LMAN1L: variants seen among roughly 807,000 people sequenced by gnomAD.
The protein encoded by LMAN1L is protein ERGIC-53-like.
A neutral mutation model predicts 58.3 loss-of-function variants in LMAN1L; 60 were observed. That is an observed-to-expected ratio of 1.03 (90% confidence interval 0.84 to 1.27). The LOEUF is 1.27. Ranked by LOEUF, LMAN1L falls within the 50% of genes most tolerant of loss-of-function variation. The probability of loss-of-function intolerance (pLI) is 0.00; values close to 1 mark genes in which losing one functional copy is unlikely to be tolerated. For synonymous variants in LMAN1L, 280 were observed against 271.6 expected (o/e 1.03, Z -0.31); for missense variants, 629 against 674.0 (o/e 0.93, Z 0.74).
chr15:74,814,039 T>C (rs553653297), intron 1 of LMAN1L, among the ~76,000 whole-genome samples: 5 of 150,734 alleles, frequency 3.3e-5, no homozygotes, highest in African/African-American at 9.7e-5. Flanking sequence ...GGCAGGAGAA[T>C]TGCTTGAACC....
chr15:74,814,198 C>CTT (rs567071080), intron 1 of LMAN1L, among the ~76,000 whole-genome samples: 1 of 146,070 alleles, frequency 6.8e-6, no homozygotes, highest in Non-Finnish European at 1.5e-5. Flanking sequence ...CAAAATATCC[C>CTT]TTTTTTTTTT....
Position 74,825,459 on chromosome 15 carries a change from C to G in LMAN1L, c.1452-17C>G. 1 of 1,605,712 alleles carries G rather than the reference C, an allele frequency of 6.2e-7. No individual in the cohort carries two copies. The highest frequency in any genetic ancestry group is 8.5e-7 in the Non-Finnish European group (1 of 1,173,872). On this transcript the variant is annotated splice_polypyrimidine_tract_variant and intron_variant, in intron 13 of 13. Transcript: ENST00000309664. ...AGGAGAGACGCAAGTAACCTGTAACCTTCTCTCTGGCAGCAGGCAGGAGCT... is the reference window on the plus strand; with the variant it reads ...AGGAGAGACGCAAGTAACCTGTAACGTTCTCTCTGGCAGCAGGCAGGAGCT...
rs2063906124 is a variant in LMAN1L, at chr15:74,819,221, T to G, written c.667T>G (p.Leu223Val). ...EFCVDVGPLL[L>V]VPGGFFGVSA... ...CTGTGTGGATGTGGGGCCCCTGCTT[T>G]TGGTCCCTGGAGGTTTCTTTGGGGT... The change falls in exon 6 of 14, where the codon TTG becomes GTG. Residue 223 changes from leucine (L) to valine (V), a missense_variant. This residue lies in a region of LMAN1L where 573 missense variants were observed against 597.3 expected (regional missense o/e 0.96). Coordinates refer to ENST00000309664, the MANE Select transcript of LMAN1L (RefSeq NM_021819.3). The G allele has an allele frequency of 3.7e-6, 6 of 1,614,148 alleles. No homozygotes were observed. Among genetic ancestry groups the G allele is most frequent in the Non-Finnish European group, 5.1e-6 (6 of 1,179,990 alleles).
In LMAN1L at chr15:74,823,542, T is replaced by C. The variant is rs773719480; in HGVS notation, c.1200-17T>C. On this transcript the variant is annotated splice_polypyrimidine_tract_variant and intron_variant, in intron 11 of 13. Transcript: ENST00000309664. ...AGAGGTAATGAGTCATCTTACTTGGTTACCACCCCCGGTTAGGGATGCAGC... is the reference window on the plus strand; with the variant it reads ...AGAGGTAATGAGTCATCTTACTTGGCTACCACCCCCGGTTAGGGATGCAGC... 1 of 1,613,278 alleles carries C rather than the reference T, an allele frequency of 6.2e-7. No homozygotes were observed. Among genetic ancestry groups the C allele is most frequent in the Non-Finnish European group, 8.5e-7 (1 of 1,179,636 alleles).
At chr15:74,814,381 T>TTG (rs1567222961) in intron 1 of LMAN1L, among the ~76,000 whole-genome samples, 7 of 138,806 alleles carry the variant, frequency 5.0e-5, no homozygotes, top group Admixed American at 2.1e-4. Flanking sequence ...TGTTTTTGTT[T>TTG]TTTTTTTTTT....
rs1192752625 is a variant in LMAN1L, at chr15:74,822,660, G to T, written c.1150G>T (p.Ala384Ser). Residue 384 changes from alanine to serine, a missense_variant, in exon 11 of 14, where the codon GCC becomes TCC. Ala to Ser is a moderately conservative substitution (Grantham distance 99). Around this residue, in one of 3 missense-constraint regions of LMAN1L, gnomAD observed 573 missense variants for 597.3 expected, o/e 0.96. Coordinates refer to ENST00000309664, the MANE Select transcript of LMAN1L (RefSeq NM_021819.3). ...TCTGCAGGACTCTGCCAAGGTCGGTGCCCTGCTCCATGGACAGTGGACTCT... is the reference window on the plus strand; with the variant it reads ...TCTGCAGGACTCTGCCAAGGTCGGTTCCCTGCTCCATGGACAGTGGACTCT... ...SLNKDSAKVG[A>S]LLHGQWTLLQ... 1 of 1,614,102 alleles carries T rather than the reference G, an allele frequency of 6.2e-7. No individual in the cohort carries two copies. The highest frequency in any genetic ancestry group is 1.1e-5 in the South Asian group (1 of 91,076).
At position 74,816,243 on chromosome 15, in the gene LMAN1L, T is replaced by A; in HGVS notation, c.262T>A (p.Phe88Ile). 6.2e-7 allele frequency: 1 copy of A among 1,603,856 alleles called. No individual in the cohort carries two copies. The highest frequency in any genetic ancestry group is 8.5e-7 in the Non-Finnish European group (1 of 1,175,408). ...GAVWSRASVP[F>I]SAWEVEVQMR... ...CGTGTGGAGCAGGGCCTCTGTCCCC[T>A]TCTCTGCCTGGGAAGTAGAGGTGCA... The change falls in exon 2 of 14, where the codon TTC becomes ATC. Residue 88 changes from phenylalanine (F) to isoleucine (I), a missense_variant. By Grantham distance (21) the Phe-to-Ile change is conservative. Transcript: ENST00000309664.
chr15:74,821,365 C>A, intron 9 of LMAN1L, 139 bp downstream of exon 9: 1 of 1,063,248 alleles, frequency 9.4e-7, no homozygotes, highest in Non-Finnish European at 1.3e-6. Flanking sequence ...CAGGATGGGG[C>A]AGGGCAGCAT....
intron 9 of LMAN1L, 133 bp downstream of exon 9, chr15:74,821,359 A>G (rs2063915864): frequency 2.7e-6 from 3 of 1,108,604 alleles, no homozygotes; most frequent in South Asian, 3.2e-5. Flanking sequence ...AGGTCACAGG[A>G]TGGGGCAGGG....
chr15:74,821,617 G>C (rs3743486), intron 9 of LMAN1L, among the ~76,000 whole-genome samples: 9,635 of 152,266 alleles, frequency 0.063, 636 homozygotes, highest in South Asian at 0.36. Context: ...GTCATAACTC[G>C]GGTCATGCCC....
chr15:74,822,575 G>A lies in LMAN1L; in HGVS notation c.1132-67G>A, dbSNP rs1246824686. 2.6e-5 allele frequency: 34 copies of A among 1,316,282 alleles called. No homozygotes were observed. In the Admixed American group the frequency reaches 5.1e-4, roughly 20 times the overall value. The allele number at this position is 1,316,282 out of a possible 1,614,324, so 81.5% of individuals were successfully genotyped here. ...GAAGGAAGAGGCTGCAGTGCCGCTG[G>A]GAAGGTGGGCTCTGAGAAGAGAGGG... On this transcript the variant is annotated intron_variant, in intron 10 of 13. Transcript: ENST00000309664.
chr15:74,820,609 C>A (rs1488548485), intron 7 of LMAN1L, 26 bp from the exon 8 acceptor site: 2 of 1,612,418 alleles, frequency 1.2e-6, no homozygotes, highest in Non-Finnish European at 1.7e-6. Flanking sequence ...GGGTTTGGGG[C>A]CCGACTTTCT....
chr15:74,817,026 C>T (rs1194143496), intron 4 of LMAN1L, among the ~76,000 whole-genome samples: 2 of 152,114 alleles, frequency 1.3e-5, no homozygotes, highest in African/African-American at 4.8e-5. Flanking sequence ...AGGGATGTGC[C>T]GTGCGCAGTG....
rs867315625 is a variant in LMAN1L, at chr15:74,820,253, C to G, written c.774+154C>G. 14 of 728,710 alleles carry G rather than the reference C, an allele frequency of 1.9e-5. 1 individual carries two copies. The highest frequency in any genetic ancestry group is 1.4e-4 in the South Asian group (9 of 63,402). The allele number at this position is 728,710 out of a possible 1,614,324, so 45.1% of individuals were successfully genotyped here. ...ACCTTGTGCAGGGCAGTGCTGCGGG[C>G]CAGGGCCGGTGTGTGAGGTCTCGCA... On this transcript the variant is annotated intron_variant, in intron 7 of 13. Transcript: ENST00000309664.
In LMAN1L at chr15:74,821,114, A is replaced by ACCGC; in HGVS notation, c.949_952dup (p.Arg318ProfsTer18). On this transcript the variant is annotated frameshift_variant, in exon 9 of 14. Transcript: ENST00000309664. LOFTEE classifies it high-confidence loss of function. ...GACCTGGAGGAGACGCTGGGCAGACACCGCCGGATCCTGCAGGCTCTGCGG... is the reference window on the plus strand; with the variant it reads ...GACCTGGAGGAGACGCTGGGCAGACACCGCCCGCCGGATCCTGCAGGCTCTGCGG... The ACCGC allele has an allele frequency of 1.3e-6, 2 of 1,570,246 alleles. No homozygotes were observed.
rs1567225376 is a variant in LMAN1L at position 74,822,699 on chromosome 15, C to G, written c.1189C>G (p.Gln397Glu). The G allele has an allele frequency of 1.9e-6, 3 of 1,613,712 alleles. No homozygotes were observed. The South Asian group carries it at 3.3e-5, about 18-fold the overall frequency. ...HGQWTLLQAL[Q>E]EMRDAAVRMA... The stretch of plus-strand genomic sequence containing the variant: ...ACAGTGGACTCTGCTCCAGGCCCTG[C>G]AAGAGATGAGGTAAGGGACTGGGTG... The change falls in exon 11 of 14, where the codon CAA (glutamine) becomes GAA (glutamate). Residue 397 changes from glutamine to glutamate, a missense_variant. By Grantham distance (29) the Gln-to-Glu change is conservative. Transcript: ENST00000309664.
rs2063937145 is a variant in LMAN1L, at chr15:74,825,462, C to G, written c.1452-14C>G. On this transcript the variant is annotated splice_polypyrimidine_tract_variant and intron_variant, in intron 13 of 13. Transcript: ENST00000309664. ...AGAGACGCAAGTAACCTGTAACCTT[C>G]TCTCTGGCAGCAGGCAGGAGCTGAA... The G allele has an allele frequency of 1.2e-6, 2 of 1,606,504 alleles. No homozygotes were observed. Among genetic ancestry groups the G allele is most frequent in the Non-Finnish European group, 1.7e-6 (2 of 1,174,204 alleles).
chr15:74,822,830 G>A (rs1438723968), intron 11 of LMAN1L, 121 bp downstream of exon 11: 8 of 710,008 alleles, frequency 1.1e-5, no homozygotes, highest in African/African-American at 7.1e-5. Flanking sequence ...AATTGGAAGG[G>A]CTACTGGTGG....
rs2063891110 is a variant in LMAN1L, at chr15:74,816,466, G to T, written c.370G>T (p.Val124Phe). 6.4e-6 allele frequency: 10 copies of T among 1,552,826 alleles called. No homozygotes were observed. In the East Asian group the frequency reaches 2.3e-4, roughly 35 times the overall value. ...CCGGGGCAGGGGCCATGTAGGCTCT[G>T]TCCTTGGGGGGCTGGCTTCGTGGGA... ...YTRGRGHVGSVLGGLASWDGI... is the reference protein window; with the variant it reads ...YTRGRGHVGSFLGGLASWDGI... Residue 124 changes from valine (V) to phenylalanine (F), a missense_variant, in exon 3 of 14, where the codon GTC becomes TTC. Physicochemically the swap from Val to Phe is conservative, Grantham distance 50 (BLOSUM62 -1). This residue lies in a region of LMAN1L where 573 missense variants were observed against 597.3 expected (regional missense o/e 0.96). Transcript: ENST00000309664.
Sources: gnomAD v4.1 joint callset for allele counts (sites outside exome capture counted in the v4.1 genomes callset) on GRCh38, gnomAD v4.1.1 for gene constraint, gnomAD v4.1.1 regional missense constraint, MANE v1.5 for transcripts, NCBI Gene and HGNC (gene_info 2026-07-23, HGNC 2026-07-21) for gene names.